Variants in ROBO2 observed in about 807,000 individuals in gnomAD.
The protein encoded by ROBO2 is roundabout homolog 2.
Under a neutral mutation model 160.8 loss-of-function variants are expected in ROBO2, and 53 were observed. The ratio of observed to expected loss-of-function variants is 0.33; its 90% CI spans 0.26 to 0.41. The LOEUF is 0.41. ROBO2 is among the 10% of genes least tolerant of loss of function. The probability of loss-of-function intolerance (pLI) is 1.00; values close to 1 mark genes in which losing one functional copy is unlikely to be tolerated. For missense variants in ROBO2, 1,577 were observed against 1,722.4 expected (o/e 0.92, Z 1.49); for synonymous variants, 664 against 611.7 (o/e 1.09, Z -1.26).
intron 2 of ROBO2, among the ~76,000 whole-genome samples, chr3:77,013,363 T>G (rs1418484353): frequency 1.3e-5 from 2 of 152,144 alleles, no homozygotes; most frequent in Non-Finnish European, 2.9e-5. Context: ...GGAAAAGGCA[T>G]GATTTTGGAG....
At chr3:76,466,918 A>G (rs1216944173) in intron 2 of ROBO2, among the ~76,000 whole-genome samples, 1 of 152,062 alleles carries the variant, frequency 6.6e-6, no homozygotes, top group Non-Finnish European at 1.5e-5. Flanking sequence ...ACAGATACAA[A>G]TTTGTTTCTG....
intron 2 of ROBO2, among the ~76,000 whole-genome samples, chr3:76,180,451 G>T (rs1012949844): frequency 1.3e-5 from 2 of 152,058 alleles, no homozygotes; most frequent in African/African-American, 4.8e-5. Context: ...CCCCAAATTT[G>T]TGCTTCCTGA....
intron 2 of ROBO2, among the ~76,000 whole-genome samples, chr3:75,981,719 A>G (rs1559802833): frequency 1.3e-5 from 2 of 151,514 alleles, no homozygotes; most frequent in South Asian, 4.1e-4. Context: ...TAAGTACATC[A>G]TGGAGAATGG....
At chr3:76,654,913 GTA>G (rs1553854263) in intron 2 of ROBO2, among the ~76,000 whole-genome samples, 34 of 74,142 alleles carry the variant, frequency 4.6e-4, no homozygotes, top group Middle Eastern at 0.012. Flanking sequence ...ATATGTGTGT[GTA>G]TATATATATA....
intron 2 of ROBO2, among the ~76,000 whole-genome samples, chr3:77,297,361 T>A (rs2062239154): frequency 6.6e-6 from 1 of 152,164 alleles, no homozygotes; most frequent in South Asian, 2.1e-4. Context: ...CTTTTTGGAT[T>A]TAATTAAATT....
chr3:75,946,026 T>G (rs1300387936), intron 2 of ROBO2, among the ~76,000 whole-genome samples: 2 of 152,124 alleles, frequency 1.3e-5, no homozygotes, highest in African/African-American at 2.4e-5. Flanking sequence ...GGAAATGTTT[T>G]GGTTTGTTTT....
intron 2 of ROBO2, among the ~76,000 whole-genome samples, chr3:76,485,113 C>T (rs143856529): frequency 3.4e-4 from 52 of 152,108 alleles, no homozygotes; most frequent in Non-Finnish European, 5.1e-4. Context: ...ATGAATCAAG[C>T]GCATTATATT....
intron 2 of ROBO2, among the ~76,000 whole-genome samples, chr3:76,506,477 C>G (rs1029491696): frequency 6.6e-6 from 1 of 152,062 alleles, no homozygotes; most frequent in Non-Finnish European, 1.5e-5. Context: ...TTATTTTGTT[C>G]TCAAGTAACC....
chr3:77,035,897 T>C (rs1235254236), upstream of ROBO2, among the ~76,000 whole-genome samples: 1 of 151,980 alleles, frequency 6.6e-6, no homozygotes, highest in East Asian at 1.9e-4. Context: ...TTCTGTATAG[T>C]ATAATAAGAC....
intron 2 of ROBO2, among the ~76,000 whole-genome samples, chr3:76,957,249 C>T (rs2079337076): frequency 6.6e-6 from 1 of 151,920 alleles, no homozygotes; most frequent in Non-Finnish European, 1.5e-5. Flanking sequence ...TTCCAATAGT[C>T]TCTTGTTAAC....
intron 2 of ROBO2, among the ~76,000 whole-genome samples, chr3:76,148,708 C>A (rs1225030443): frequency 6.6e-6 from 1 of 152,020 alleles, no homozygotes; most frequent in Non-Finnish European, 1.5e-5. Flanking sequence ...TCAATTCTTC[C>A]CTTCTTATGA....
At chr3:77,484,672 T>TAGAAG (rs1256130333) in intron 4 of ROBO2, among the ~76,000 whole-genome samples, 1 of 152,024 alleles carries the variant, frequency 6.6e-6, no homozygotes, top group East Asian at 1.9e-4. Flanking sequence ...CTTCCTATTA[T>TAGAAG]AGAAGATGAT....
exon 26 of ROBO2, chr3:77,647,750 G>C (rs998008104): frequency 1.3e-5 from 2 of 152,048 alleles, no homozygotes; most frequent in African/African-American, 4.8e-5. Flanking sequence ...CCTATGATAA[G>C]TTCAGTTGTT....
chr3:76,057,566 C>T (rs73842929), intron 2 of ROBO2, among the ~76,000 whole-genome samples: 3,122 of 152,190 alleles, frequency 0.021, 44 homozygotes, highest in East Asian at 0.081. Context: ...TAGTAAGCTT[C>T]CAGGGTGACA....
rs1168799325 is a variant in ROBO2, at chr3:76,522,057, T to G, written c.110-575957T>G. Among the ~76,000 whole-genome samples, 5 of 152,154 alleles carry G rather than the reference T, an allele frequency of 3.3e-5. No individual in the cohort carries two copies. The East Asian group carries it at 9.6e-4, about 29-fold the overall frequency. ...AATCCTTCATCTAAATTAAAGAAAT[T>G]GACTAGTTTGGTAATAATACAGACA... On this transcript the variant is annotated intron_variant, in intron 2 of 26. Coordinates refer to the ROBO2 transcript ENST00000487694.
chr3:76,329,030 C>T (rs2073269873), intron 2 of ROBO2, among the ~76,000 whole-genome samples: 1 of 151,518 alleles, frequency 6.6e-6, no homozygotes, highest in South Asian at 2.1e-4. Context: ...GTTGTCAGAA[C>T]TCCAGGGTCC....
At chr3:76,484,399 T>A (rs1228320418) in intron 2 of ROBO2, among the ~76,000 whole-genome samples, 1 of 152,174 alleles carries the variant, frequency 6.6e-6, no homozygotes, top group East Asian at 1.9e-4. Context: ...AAGTATCTGT[T>A]GTGTGTCAGC....
At chr3:76,432,798 C>T (rs1226591008) in intron 2 of ROBO2, among the ~76,000 whole-genome samples, 1 of 151,118 alleles carries the variant, frequency 6.6e-6, no homozygotes, top group Non-Finnish European at 1.5e-5. Context: ...ACCGAAAAAA[C>T]AGGGCATTGG....
intron 2 of ROBO2, among the ~76,000 whole-genome samples, chr3:76,806,871 G>A (rs1307127782): frequency 6.6e-6 from 1 of 151,858 alleles, no homozygotes; most frequent in East Asian, 1.9e-4. Flanking sequence ...TTCCTTTATT[G>A]TCTTAGTATC....
Sources: gnomAD v4.1 joint callset for allele counts (sites outside exome capture counted in the v4.1 genomes callset) on GRCh38, gnomAD v4.1.1 for gene constraint, MANE v1.5 for transcripts, NCBI Gene and HGNC (gene_info 2026-07-23, HGNC 2026-07-21) for gene names.